Variants in SGCZ observed in about 807,000 individuals in gnomAD.
SGCZ encodes the protein zeta-sarcoglycan.
In SGCZ, 40 loss-of-function variants were observed where a neutral mutation model predicts 41.3. That is an observed-to-expected ratio of 0.97 (90% CI 0.75 to 1.26). SGCZ has a LOEUF of 1.26. Among genes scored for constraint, SGCZ ranks in the 50% most tolerant of loss-of-function variants. SGCZ has a pLI of 0.00. For missense variants in SGCZ, 552 were observed against 369.8 expected (o/e 1.49, Z -4.04); for synonymous variants, 206 against 137.5 (o/e 1.50, Z -3.49).
chr8:14,228,484 G>C (rs1806450687), intron 4 of SGCZ, among the ~76,000 whole-genome samples: 1 of 151,838 alleles, frequency 6.6e-6, no homozygotes. Context: ...AAACACTAGA[G>C]ATATACTCAT....
intron 1 of SGCZ, among the ~76,000 whole-genome samples, chr8:14,648,721 C>T (rs1040459891): frequency 3.3e-5 from 5 of 151,910 alleles, no homozygotes; most frequent in African/African-American, 9.7e-5. Context: ...ATATTATAGA[C>T]GGCCGAGTGT....
chr8:14,430,965 A>G (rs183229345), intron 2 of SGCZ, among the ~76,000 whole-genome samples: 6 of 152,270 alleles, frequency 3.9e-5, no homozygotes, highest in South Asian at 4.2e-4. Flanking sequence ...AAATTAAAAT[A>G]CTTAGGAATA....
intron 2 of SGCZ, among the ~76,000 whole-genome samples, chr8:14,364,723 G>C (rs1803637826): frequency 6.6e-6 from 1 of 151,706 alleles, no homozygotes; most frequent in African/African-American, 2.4e-5. Flanking sequence ...TTTTCTCATT[G>C]GTTTGCATAA....
chr8:14,974,374 T>C (rs1416135225), intron 1 of SGCZ, among the ~76,000 whole-genome samples: 2 of 152,208 alleles, frequency 1.3e-5, no homozygotes, highest in African/African-American at 2.4e-5. Flanking sequence ...CAGAATCACA[T>C]AGAACATACA....
intron 1 of SGCZ, among the ~76,000 whole-genome samples, chr8:14,721,556 A>G (rs958150925): frequency 1.3e-5 from 2 of 152,166 alleles, no homozygotes; most frequent in Non-Finnish European, 2.9e-5. Context: ...CCTTTAAAGT[A>G]TACACAGAAT....
intron 1 of SGCZ, among the ~76,000 whole-genome samples, chr8:14,644,931 C>A (rs1807156101): frequency 8.0e-6 from 1 of 125,404 alleles, no homozygotes; most frequent in African/African-American, 2.9e-5. Flanking sequence ...AAATATAAAG[C>A]CTTTGTGTAG....
intron 1 of SGCZ, among the ~76,000 whole-genome samples, chr8:14,603,966 G>T (rs1175796315): frequency 6.6e-6 from 1 of 151,880 alleles, no homozygotes; most frequent in Non-Finnish European, 1.5e-5. Context: ...ATCTCACACT[G>T]TTACTATGTG....
intron 1 of SGCZ, among the ~76,000 whole-genome samples, chr8:14,819,575 A>T (rs979256263): frequency 2.0e-5 from 3 of 152,180 alleles, no homozygotes; most frequent in African/African-American, 7.2e-5. Context: ...GTATAATTCA[A>T]TCTTAGAACA....
chr8:15,206,907 A>G (rs1437041738), intron 1 of SGCZ, among the ~76,000 whole-genome samples: 1 of 152,192 alleles, frequency 6.6e-6, no homozygotes, highest in Non-Finnish European at 1.5e-5. Flanking sequence ...GGTAGGATGG[A>G]GGATATGAAT....
At chr8:14,156,970 A>T (rs1349142565) in intron 5 of SGCZ, among the ~76,000 whole-genome samples, 3 of 152,170 alleles carry the variant, frequency 2.0e-5, no homozygotes, top group Non-Finnish European at 4.4e-5. Context: ...TAAAATAATG[A>T]TAAAAAACTA....
chr8:14,485,895 G>A (rs1354225500), intron 2 of SGCZ, among the ~76,000 whole-genome samples: 1 of 135,586 alleles, frequency 7.4e-6, no homozygotes. Flanking sequence ...ACTGCGGACT[G>A]CAGTGGCGCA....
rs139785791 is a variant in SGCZ, at chr8:14,261,856, C to T, written c.337-24177G>A. Among the ~76,000 whole-genome samples, 30 of 152,152 alleles carry T rather than the reference C, an allele frequency of 2.0e-4. 1 individual carries two copies. The highest frequency in any genetic ancestry group is 6.3e-4 in the African/African-American group (26 of 41,524). On this transcript the variant is annotated intron_variant, in intron 3 of 7. Transcript: ENST00000382080. ...TAAAAACTAACTGGGCATTTGAAGA[C>T]GGTCAGAGGATCTAAATTCCAGAAG...
intron 4 of SGCZ, among the ~76,000 whole-genome samples, chr8:14,214,642 A>T (rs750067530): frequency 1.3e-5 from 2 of 152,156 alleles, no homozygotes; most frequent in African/African-American, 4.8e-5. Flanking sequence ...ATAATTTCAA[A>T]CATAACAATA....
intron 1 of SGCZ, among the ~76,000 whole-genome samples, chr8:14,884,523 C>T (rs1355233665): frequency 6.6e-6 from 1 of 151,368 alleles, no homozygotes; most frequent in Non-Finnish European, 1.5e-5. Flanking sequence ...CTATTTTAGC[C>T]AAGACATTTT....
chr8:14,877,400 T>C (rs543139923), intron 1 of SGCZ, among the ~76,000 whole-genome samples: 3 of 152,334 alleles, frequency 2.0e-5, no homozygotes, highest in African/African-American at 7.2e-5. Flanking sequence ...TAAAATGTAT[T>C]ATCAAATCTG....
intron 1 of SGCZ, among the ~76,000 whole-genome samples, chr8:15,017,751 C>A (rs533568274): frequency 1.3e-5 from 2 of 152,158 alleles, no homozygotes; most frequent in African/African-American, 4.8e-5. Context: ...AGTGATCTGC[C>A]TCCCTCAGCC....
rs146656694 is a variant in SGCZ at position 14,740,454 on chromosome 8, T to C, written c.40-185528A>G. 3.8e-3 allele frequency among the ~76,000 whole-genome samples: 572 copies of C among 152,172 alleles called. 1 individual carries two copies. Among genetic ancestry groups the C allele is most frequent in the Non-Finnish European group, 6.4e-3 (438 of 67,952 alleles). Reference sequence around the variant, plus strand: ...TTCACAGGCTACCAAAGGAATAAGATAATGCTGCCTATCTTAGTGGGGCCC... The same window carrying C: ...TTCACAGGCTACCAAAGGAATAAGACAATGCTGCCTATCTTAGTGGGGCCC... On this transcript the variant is annotated intron_variant, in intron 1 of 7. Coordinates refer to ENST00000382080, the MANE Select transcript of SGCZ (RefSeq NM_139167.4).
chr8:14,939,840 C>T (rs1800210192), intron 1 of SGCZ, among the ~76,000 whole-genome samples: 1 of 152,108 alleles, frequency 6.6e-6, no homozygotes, highest in Non-Finnish European at 1.5e-5. Flanking sequence ...CCAGCCTTCA[C>T]CCTACTTTGT....
At chr8:14,461,068 G>A (rs981070997) in intron 2 of SGCZ, among the ~76,000 whole-genome samples, 1 of 152,024 alleles carries the variant, frequency 6.6e-6, no homozygotes, top group African/African-American at 2.4e-5. Context: ...GAAAAGATAT[G>A]AAAAGGAATT....
Sources: allele counts gnomAD v4.1 joint callset (sites outside exome capture counted in the v4.1 genomes callset), GRCh38; gene constraint gnomAD v4.1.1; transcripts MANE v1.5; gene names NCBI Gene and HGNC (gene_info 2026-07-23, HGNC 2026-07-21).